Variants in ADGRB3 observed in about 807,000 individuals in gnomAD.
ADGRB3 encodes brain-specific angiogenesis inhibitor 3.
Under a neutral mutation model 193.4 loss-of-function variants are expected in ADGRB3, and 37 were observed. That is an observed-to-expected ratio of 0.19 (90% CI 0.15 to 0.25). The LOEUF (loss-of-function observed/expected upper bound fraction) is 0.25. ADGRB3 is among the 10% of genes least tolerant of loss of function. The pLI, the probability that ADGRB3 is intolerant of heterozygous loss-of-function variation, is 1.00. For synonymous variants in ADGRB3, 690 were observed against 644.2 expected, an observed-to-expected ratio of 1.07 and a Z score of -1.08; for missense variants, 1,637 against 1,852.9, an observed-to-expected ratio of 0.88 and a Z score of 2.14.
At chr6:68,685,100 A>G (rs747893298) in intron 3 of ADGRB3, among the ~76,000 whole-genome samples, 22 of 152,202 alleles carry the variant, frequency 1.4e-4, no homozygotes, top group Non-Finnish European at 2.9e-4. Flanking sequence ...TGTGAAATTC[A>G]TTGATTAGTT....
At chr6:68,888,421 G>A (rs1765973326) in intron 3 of ADGRB3, among the ~76,000 whole-genome samples, 1 of 152,056 alleles carries the variant, frequency 6.6e-6, no homozygotes, top group African/African-American at 2.4e-5. Flanking sequence ...AAGTGTCTGT[G>A]CATTTGATCA....
At chr6:68,979,484 A>G (rs1483135957) in intron 10 of ADGRB3, among the ~76,000 whole-genome samples, 2 of 151,532 alleles carry the variant, frequency 1.3e-5, no homozygotes, top group Non-Finnish European at 3.0e-5. Flanking sequence ...ACACTATCAT[A>G]TCAATGTTGT....
chr6:69,299,516 T>C (rs1318706481), intron 20 of ADGRB3, among the ~76,000 whole-genome samples: 1 of 151,910 alleles, frequency 6.6e-6, no homozygotes, highest in Non-Finnish European at 1.5e-5. Context: ...TAGTTTCGGG[T>C]ATTACATTTA....
intron 17 of ADGRB3, among the ~76,000 whole-genome samples, chr6:69,131,609 A>G (rs1210469896): frequency 6.6e-6 from 1 of 152,038 alleles, no homozygotes; most frequent in Non-Finnish European, 1.5e-5. Context: ...TAACAAGTAC[A>G]TTTTAACTGC....
At chr6:69,117,308 A>T (rs1204880854) in intron 17 of ADGRB3, among the ~76,000 whole-genome samples, 1 of 152,226 alleles carries the variant, frequency 6.6e-6, no homozygotes, top group East Asian at 1.9e-4. Context: ...GGACTACATT[A>T]CTTTCTGTTA....
At chr6:69,205,141 GA>G in intron 17 of ADGRB3, among the ~76,000 whole-genome samples, 1 of 152,138 alleles carries the variant, frequency 6.6e-6, no homozygotes, top group Non-Finnish European at 1.5e-5. Flanking sequence ...AGCTGAAACT[GA>G]ATATTGCTTA....
chr6:68,940,547 CTTTTT>C, intron 5 of ADGRB3, among the ~76,000 whole-genome samples: 3 of 69,214 alleles, frequency 4.3e-5, no homozygotes, highest in African/African-American at 5.7e-5. Context: ...TGCTTTTGAA[CTTTTT>C]TTTTTTTTTT....
intron 20 of ADGRB3, among the ~76,000 whole-genome samples, chr6:69,320,931 A>G (rs963345242): frequency 2.0e-5 from 3 of 151,044 alleles, no homozygotes; most frequent in African/African-American, 7.3e-5. Flanking sequence ...TTTAAATGCT[A>G]CCTTTCCCCC....
chr6:69,238,711 A>G (rs917614831), intron 19 of ADGRB3, among the ~76,000 whole-genome samples: 3 of 151,962 alleles, frequency 2.0e-5, no homozygotes, highest in African/African-American at 7.2e-5. Flanking sequence ...CAAAGTTTAT[A>G]TTGGTTGATT....
At chr6:69,081,349 T>A (rs1410627448) in intron 17 of ADGRB3, among the ~76,000 whole-genome samples, 1 of 152,044 alleles carries the variant, frequency 6.6e-6, no homozygotes, top group Non-Finnish European at 1.5e-5. Flanking sequence ...ATGAAATTTA[T>A]ATTATAGTCA....
At chr6:68,690,795 C>T (rs1306673679) in intron 3 of ADGRB3, among the ~76,000 whole-genome samples, 4 of 152,066 alleles carry the variant, frequency 2.6e-5, no homozygotes, top group Non-Finnish European at 5.9e-5. Context: ...ATGACCATCA[C>T]CCCAAATCCA....
At chr6:69,151,582 T>A (rs1774680236) in intron 17 of ADGRB3, among the ~76,000 whole-genome samples, 2 of 152,152 alleles carry the variant, frequency 1.3e-5, no homozygotes, top group South Asian at 4.1e-4. Flanking sequence ...TGATTTTTGG[T>A]CCTTATGAAG....
At chr6:69,310,268 A>T (rs1768162766) in intron 20 of ADGRB3, among the ~76,000 whole-genome samples, 2 of 151,778 alleles carry the variant, frequency 1.3e-5, no homozygotes, top group African/African-American at 4.8e-5. Context: ...ATGACATTTC[A>T]TACTGAAGCC....
chr6:68,866,469 T>G (rs911557103), intron 3 of ADGRB3, among the ~76,000 whole-genome samples: 1 of 152,220 alleles, frequency 6.6e-6, no homozygotes, highest in Non-Finnish European at 1.5e-5. Context: ...TAGTGCTTTA[T>G]AGCAGTGTGA....
chr6:68,972,429 G>T (rs1387727895), intron 8 of ADGRB3, among the ~76,000 whole-genome samples: 1 of 152,060 alleles, frequency 6.6e-6, no homozygotes, highest in East Asian at 1.9e-4. Context: ...AATGGGGAGG[G>T]TTTGGAGCAC....
intron 28 of ADGRB3, among the ~76,000 whole-genome samples, chr6:69,359,961 G>A (rs77689250): frequency 0.015 from 2,275 of 151,332 alleles, 27 homozygotes; most frequent in Non-Finnish European, 0.024. Flanking sequence ...CCAAAACATG[G>A]CTTTCTTTTT....
chr6:68,891,992 T>G (rs2150229472), intron 3 of ADGRB3, among the ~76,000 whole-genome samples: 1 of 152,336 alleles, frequency 6.6e-6, no homozygotes, highest in Non-Finnish European at 1.5e-5. Context: ...GTTCTGTCCA[T>G]ACTGTCCAGT....
chr6:69,146,005 C>T (rs1040219569), intron 17 of ADGRB3, among the ~76,000 whole-genome samples: 1 of 152,146 alleles, frequency 6.6e-6, no homozygotes, highest in Non-Finnish European at 1.5e-5. Flanking sequence ...ACGGGATTAC[C>T]AGCCCAGCCT....
intron 20 of ADGRB3, among the ~76,000 whole-genome samples, chr6:69,313,668 A>G (rs1352395348): frequency 1.3e-5 from 2 of 151,786 alleles, no homozygotes; most frequent in Admixed American, 6.6e-5. Flanking sequence ...CTACTGAAAA[A>G]GGATTTCCTC....
Sources: gnomAD v4.1 joint callset for allele counts (sites outside exome capture counted in the v4.1 genomes callset) on GRCh38, gnomAD v4.1.1 for gene constraint, MANE v1.5 for transcripts, NCBI Gene and HGNC (gene_info 2026-07-23, HGNC 2026-07-21) for gene names.